KSR2: variants seen among roughly 807,000 people sequenced by gnomAD.
KSR2 encodes kinase suppressor of ras 2.
Under a neutral mutation model 107.8 loss-of-function variants are expected in KSR2, and 25 were observed. That is an observed-to-expected ratio of 0.23 (90% CI 0.17 to 0.32). The LOEUF is 0.32. Ranked by LOEUF, KSR2 falls within the 10% of genes least tolerant of loss-of-function variation. KSR2 has a pLI of 1.00. For missense variants in KSR2, 887 were observed against 1,268.9 expected, an observed-to-expected ratio of 0.70 and a Z score of 4.57; for synonymous variants, 480 against 507.0, an observed-to-expected ratio of 0.95 and a Z score of 0.71.
chr12:117,790,648 T>C (rs751495286), intron 3 of KSR2, among the ~76,000 whole-genome samples: 9 of 152,220 alleles, frequency 5.9e-5, no homozygotes, highest in Non-Finnish European at 1.0e-4. Flanking sequence ...TTTTTAATCT[T>C]TGTAGCTATC....
chr12:117,531,808 C>T (rs1875656337), intron 10 of KSR2, 101 bp from the exon 11 acceptor site: 1 of 787,606 alleles, frequency 1.3e-6, no homozygotes, highest in Non-Finnish European at 2.0e-6. Context: ...ATTCTCTGCC[C>T]ACCTTCAAGA....
intron 5 of KSR2, among the ~76,000 whole-genome samples, chr12:117,604,411 A>C (rs1349276010): frequency 6.6e-6 from 1 of 152,260 alleles, no homozygotes; most frequent in Non-Finnish European, 1.5e-5. Flanking sequence ...GTTTGGGTAC[A>C]TAAGAATTGA....
chr12:117,569,664 G>A (rs913850364), intron 7 of KSR2, among the ~76,000 whole-genome samples: 2 of 152,164 alleles, frequency 1.3e-5, no homozygotes, highest in Non-Finnish European at 2.9e-5. Context: ...CCTGACCGAA[G>A]GGTTTCTAGG....
chr12:117,699,491 T>C lies in KSR2; in HGVS notation c.987-31833A>G, dbSNP rs79515550. ...TACACACCTGGGTGATGTAGCCTAT[T>C]GCTTCCAGGCTACAAATCAGTACAG... On this transcript the variant is annotated intron_variant, in intron 4 of 19. Coordinates refer to ENST00000339824, the MANE Select transcript of KSR2 (RefSeq NM_173598.6). Among the ~76,000 whole-genome samples the C allele has an allele frequency of 3.9e-3, 589 of 152,358 alleles. 3 individuals carry two copies. Among genetic ancestry groups the C allele is most frequent in the African/African-American group, 0.013 (561 of 41,580 alleles).
chr12:117,818,653 A>G (rs1301647174), intron 3 of KSR2, among the ~76,000 whole-genome samples: 1 of 152,090 alleles, frequency 6.6e-6, no homozygotes, highest in Admixed American at 6.6e-5. Flanking sequence ...CATTGTGGTT[A>G]TTGTCGTTTC....
intron 4 of KSR2, among the ~76,000 whole-genome samples, chr12:117,681,652 A>T (rs1056967888): frequency 6.6e-6 from 1 of 152,138 alleles, no homozygotes; most frequent in Admixed American, 6.5e-5. Flanking sequence ...ACAGAATTGG[A>T]TTCTGCTTTT....
intron 4 of KSR2, among the ~76,000 whole-genome samples, chr12:117,676,193 T>A (rs115584553): frequency 6.6e-6 from 1 of 152,282 alleles, no homozygotes; most frequent in African/African-American, 2.4e-5. Context: ...ATTGAGAATC[T>A]GCTCTGTTAT....
chr12:117,773,106 A>T (rs2136920565), intron 3 of KSR2, among the ~76,000 whole-genome samples: 2 of 152,132 alleles, frequency 1.3e-5, no homozygotes, highest in Middle Eastern at 3.4e-3. Flanking sequence ...TATTGTATCA[A>T]CTCTTCCCTC....
chr12:117,955,975 GCGCAGTGGTTCA>G (rs1366665992), intron 1 of KSR2, among the ~76,000 whole-genome samples: 1 of 151,918 alleles, frequency 6.6e-6, no homozygotes, highest in Non-Finnish European at 1.5e-5. Context: ...GGCCAGCCAG[GCGCAGTGGTTCA>G]CGCCTGTAAT....
intron 3 of KSR2, among the ~76,000 whole-genome samples, chr12:117,771,551 AG>A (rs931324426): frequency 1.1e-4 from 17 of 152,214 alleles, no homozygotes; most frequent in Non-Finnish European, 2.9e-5. Flanking sequence ...TCAGATTTTC[AG>A]GGTTCACAAC....
intron 3 of KSR2, among the ~76,000 whole-genome samples, chr12:117,780,685 A>T (rs1253084566): frequency 1.3e-5 from 2 of 152,230 alleles, no homozygotes; most frequent in Non-Finnish European, 2.9e-5. Context: ...AATTGTTAAA[A>T]TGGTAAACTT....
intron 1 of KSR2, among the ~76,000 whole-genome samples, chr12:117,866,754 G>A (rs948701490): frequency 2.6e-5 from 4 of 152,014 alleles, no homozygotes; most frequent in Admixed American, 6.6e-5. Flanking sequence ...GCTTGAACCC[G>A]GGAGGCGGAG....
At chr12:117,784,335 A>T (rs754655580) in intron 3 of KSR2, among the ~76,000 whole-genome samples, 1 of 152,134 alleles carries the variant, frequency 6.6e-6, no homozygotes, top group Non-Finnish European at 1.5e-5. Flanking sequence ...CCCCTGCACA[A>T]GCTCTCTTGC....
At chr12:117,684,910 C>T (rs1479027828) in intron 4 of KSR2, among the ~76,000 whole-genome samples, 2 of 152,148 alleles carry the variant, frequency 1.3e-5, no homozygotes, top group African/African-American at 2.4e-5. Flanking sequence ...AAGAGTTGAT[C>T]GCATGTGTTC....
At position 117,761,110 on chromosome 12, in the gene KSR2, C is replaced by A. The variant is rs748667884; in HGVS notation, c.887G>T (p.Arg296Leu). The A allele has an allele frequency of 7.4e-6, 12 of 1,613,542 alleles. No homozygotes were observed. Among genetic ancestry groups the A allele is most frequent in the African/African-American group, 1.3e-5 (1 of 75,024 alleles). ...TCCCGGGATCAAGTGTATCAGTTTT[C>A]GGGAGGAGGGCGGTGGGGTCCCCGG... ...KPPGTPPPSS[R>L]KLIHLIPGFT... is the part of the protein sequence containing the mutation. The change falls in exon 4 of 20, where the codon CGA (arginine) becomes CTA (leucine). Residue 296 changes from arginine (R) to leucine (L), a missense_variant. Coordinates refer to ENST00000339824, the MANE Select transcript of KSR2 (RefSeq NM_173598.6).
At chr12:117,637,751 A>G (rs7978264) in intron 5 of KSR2, among the ~76,000 whole-genome samples, 24,185 of 138,522 alleles carry the variant, frequency 0.17, 2,109 homozygotes, top group Middle Eastern at 0.27. Context: ...ACACGATCTC[A>G]GCTCACTGCA....
intron 3 of KSR2, among the ~76,000 whole-genome samples, chr12:117,808,924 C>T (rs1329409103): frequency 1.3e-5 from 2 of 152,154 alleles, no homozygotes; most frequent in Non-Finnish European, 2.9e-5. Flanking sequence ...CAATCTTACA[C>T]ACCCTCTCCT....
chr12:117,742,018 T>C (rs549492732), intron 4 of KSR2, among the ~76,000 whole-genome samples: 55 of 152,352 alleles, frequency 3.6e-4, no homozygotes, highest in African/African-American at 1.2e-3. Flanking sequence ...TCACAGTTAG[T>C]ATCACCAGTC....
Position 117,809,395 on chromosome 12 carries a change from G to A in KSR2, c.472+46033C>T, listed in dbSNP as rs889950922. Among the ~76,000 whole-genome samples the A allele has an allele frequency of 4.6e-5, 7 of 152,200 alleles. No individual in the cohort carries two copies. The East Asian group carries it at 1.4e-3, about 29-fold the overall frequency. ...TCCTACCCACTAGAAAGGCGAAGTA[G>A]CACCCCCACCCCCTTCCCCATTTGT... On this transcript the variant is annotated intron_variant, in intron 3 of 19. Transcript: ENST00000339824.
Sources: allele counts gnomAD v4.1 joint callset (sites outside exome capture counted in the v4.1 genomes callset), GRCh38; gene constraint gnomAD v4.1.1; transcripts MANE v1.5; gene names NCBI Gene and HGNC (gene_info 2026-07-23, HGNC 2026-07-21).